OPCML: variants seen among roughly 807,000 people sequenced by gnomAD.
The protein encoded by OPCML is opioid-binding protein/cell adhesion molecule.
OPCML carries 13 observed loss-of-function variants against 37.8 expected under a neutral mutation model. That is an observed-to-expected ratio of 0.34 (90% CI 0.22 to 0.55). The LOEUF (loss-of-function observed/expected upper bound fraction) is 0.55, where lower values mean the gene tolerates loss of function less well. OPCML is among the 20% of genes least tolerant of loss of function. The pLI is 0.91. For missense variants in OPCML, 341 were observed against 435.6 expected (o/e 0.78, Z 1.93); for synonymous variants, 176 against 168.8 (o/e 1.04, Z -0.33).
At chr11:132,653,976 C>T (rs1161527785) in intron 3 of OPCML, among the ~76,000 whole-genome samples, 2 of 152,174 alleles carry the variant, frequency 1.3e-5, no homozygotes, top group East Asian at 3.8e-4. Context: ...TTTATACATG[C>T]CTTATTGTCT....
At chr11:133,478,838 T>A (rs910198655) in intron 1 of OPCML, among the ~76,000 whole-genome samples, 6 of 152,072 alleles carry the variant, frequency 3.9e-5, no homozygotes, top group African/African-American at 1.5e-4. Context: ...AACCATTTTT[T>A]TTTTTCAATT....
intron 2 of OPCML, among the ~76,000 whole-genome samples, chr11:132,856,838 G>T (rs945872261): frequency 1.3e-5 from 2 of 152,140 alleles, no homozygotes; most frequent in East Asian, 1.9e-4. Context: ...ACATAGAAAA[G>T]CCCAAGTCAA....
intron 1 of OPCML, among the ~76,000 whole-genome samples, chr11:133,363,900 A>G (rs1944478527): frequency 6.6e-6 from 1 of 152,132 alleles, no homozygotes; most frequent in Non-Finnish European, 1.5e-5. Flanking sequence ...CCTCAAAGGT[A>G]TACTCCAATC....
intron 2 of OPCML, among the ~76,000 whole-genome samples, chr11:132,848,871 T>C (rs1449607241): frequency 6.6e-6 from 1 of 152,158 alleles, no homozygotes; most frequent in East Asian, 1.9e-4. Flanking sequence ...GTGAAAATCG[T>C]ATTAGATCAT....
chr11:132,974,292 G>A (rs1180287431), intron 1 of OPCML, among the ~76,000 whole-genome samples: 1 of 152,134 alleles, frequency 6.6e-6, no homozygotes, highest in Non-Finnish European at 1.5e-5. Flanking sequence ...GTATCTCAAA[G>A]AGTTTTCCAA....
intron 1 of OPCML, among the ~76,000 whole-genome samples, chr11:133,043,139 C>G (rs536690530): frequency 1.3e-5 from 2 of 152,282 alleles, no homozygotes; most frequent in African/African-American, 4.8e-5. Context: ...CTTCCATCTT[C>G]CACCTCATCA....
intron 1 of OPCML, among the ~76,000 whole-genome samples, chr11:132,996,260 A>C (rs771687936): frequency 6.6e-6 from 1 of 152,130 alleles, no homozygotes; most frequent in Non-Finnish European, 1.5e-5. Context: ...ACTGCTCATC[A>C]AATGGTTTGG....
chr11:133,382,121 G>T (rs1233331207), intron 1 of OPCML, among the ~76,000 whole-genome samples: 1 of 152,232 alleles, frequency 6.6e-6, no homozygotes, highest in African/African-American at 2.4e-5. Flanking sequence ...CGGAGGGATG[G>T]AAGGTGGTGT....
intron 1 of OPCML, among the ~76,000 whole-genome samples, chr11:133,456,661 G>T (rs1359169415): frequency 6.6e-6 from 1 of 150,572 alleles, no homozygotes; most frequent in African/African-American, 2.4e-5. Context: ...TGTGGACAAA[G>T]AACTAAAGGA....
intron 2 of OPCML, among the ~76,000 whole-genome samples, chr11:132,745,987 G>A (rs536838355): frequency 1.3e-5 from 2 of 152,322 alleles, no homozygotes; most frequent in African/African-American, 2.4e-5. Flanking sequence ...AGATGAGGAA[G>A]CTCTGTCCCT....
At chr11:132,661,095 G>T (rs1399874256) in intron 2 of OPCML, among the ~76,000 whole-genome samples, 1 of 152,128 alleles carries the variant, frequency 6.6e-6, no homozygotes, top group Non-Finnish European at 1.5e-5. Context: ...CTGTGGGCCA[G>T]AACACACTGT....
In OPCML at chr11:133,292,547, T is replaced by C. The variant is rs148277288; in HGVS notation, c.61+239717A>G. Among the ~76,000 whole-genome samples, 379 of 152,262 alleles carry C rather than the reference T, an allele frequency of 2.5e-3. 1 individual carries two copies. Among genetic ancestry groups the C allele is most frequent in the African/African-American group, 8.5e-3 (355 of 41,536 alleles). On this transcript the variant is annotated intron_variant, in intron 1 of 7. Transcript: ENST00000524381. Reference sequence around the variant, plus strand: ...ATAATAATAACCTGAAGTAGAATGTTACCAGCCCAGTACTGTGCTCCAATT... The same window carrying C: ...ATAATAATAACCTGAAGTAGAATGTCACCAGCCCAGTACTGTGCTCCAATT...
intron 2 of OPCML, among the ~76,000 whole-genome samples, chr11:132,815,059 G>T (rs531025943): frequency 4.0e-5 from 6 of 151,898 alleles, no homozygotes; most frequent in African/African-American, 1.5e-4. Context: ...CCTGATTTTC[G>T]TGACCCCCAT....
chr11:133,312,502 C>T (rs1032002339), intron 1 of OPCML, among the ~76,000 whole-genome samples: 36 of 152,182 alleles, frequency 2.4e-4, no homozygotes, highest in African/African-American at 8.7e-4. Context: ...GAATTAGTTC[C>T]AAGGCAGGGG....
intron 1 of OPCML, among the ~76,000 whole-genome samples, chr11:133,494,838 T>A (rs2120478816): frequency 6.6e-6 from 1 of 151,382 alleles, no homozygotes; most frequent in African/African-American, 2.4e-5. Flanking sequence ...AACCTGCACA[T>A]TGTGCACATG....
chr11:133,296,831 T>C (rs1942643622), intron 1 of OPCML, among the ~76,000 whole-genome samples: 1 of 152,224 alleles, frequency 6.6e-6, no homozygotes, highest in African/African-American at 2.4e-5. Context: ...TGGTTGAAGT[T>C]CACTTTTAGT....
intron 2 of OPCML, among the ~76,000 whole-genome samples, chr11:132,940,889 A>G (rs908924610): frequency 2.6e-5 from 4 of 152,208 alleles, no homozygotes; most frequent in African/African-American, 9.6e-5. Context: ...ATAATAAAAG[A>G]GAAGATGACA....
intron 1 of OPCML, chr11:133,006,238 G>A (rs187152297): frequency 0.02 from 12,033 of 594,098 alleles, 131 homozygotes; most frequent in Non-Finnish European, 0.023. Flanking sequence ...TGGAACCTGG[G>A]ATTCAAGCTG....
At chr11:132,840,641 T>C (rs546412241) in intron 2 of OPCML, among the ~76,000 whole-genome samples, 9 of 152,332 alleles carry the variant, frequency 5.9e-5, no homozygotes, top group Middle Eastern at 3.4e-3. Flanking sequence ...ATAAAATTAT[T>C]ATCACAAGGT....
Sources: allele counts gnomAD v4.1 joint callset (sites outside exome capture counted in the v4.1 genomes callset), GRCh38; gene constraint gnomAD v4.1.1; transcripts MANE v1.5; gene names NCBI Gene and HGNC (gene_info 2026-07-23, HGNC 2026-07-21).